TBC1D12: variants seen among roughly 807,000 people sequenced by gnomAD.
The protein encoded by TBC1D12 is TBC1 domain family, member 12.
In TBC1D12, 56 loss-of-function variants were observed where a neutral mutation model predicts 86.7. The observed-to-expected ratio is 0.65, with a 90% confidence interval of 0.52 to 0.81. The LOEUF is 0.81. Among genes scored for constraint, TBC1D12 ranks in the 30% least tolerant of loss-of-function variants. The pLI is 0.00. For missense variants in TBC1D12, 1,023 were observed against 1,038.8 expected, an observed-to-expected ratio of 0.98 and a Z score of 0.21; for synonymous variants, 421 against 411.7, an observed-to-expected ratio of 1.02 and a Z score of -0.27.
chr10:94,531,117 C>T (rs1842407953), intron 11 of TBC1D12, 85 bp from the exon 12 acceptor site: 1 of 1,455,254 alleles, frequency 6.9e-7, no homozygotes, highest in Admixed American at 2.0e-5. Flanking sequence ...TAATTAAACA[C>T]TGTTCTTTTT....
intron 2 of TBC1D12, among the ~76,000 whole-genome samples, chr10:94,442,283 A>G (rs1331696397): frequency 6.6e-6 from 1 of 152,082 alleles, no homozygotes; most frequent in Non-Finnish European, 1.5e-5. Context: ...TATTCCTTGA[A>G]TAGATTTTTT....
chr10:94,416,783 A>G (rs2055004524), intron 1 of TBC1D12, among the ~76,000 whole-genome samples: 1 of 152,200 alleles, frequency 6.6e-6, no homozygotes, highest in Non-Finnish European at 1.5e-5. Context: ...GGAACTTTAC[A>G]GTAGATGAAA....
At chr10:94,479,144 G>A (rs1306486856) in intron 3 of TBC1D12, among the ~76,000 whole-genome samples, 1 of 152,140 alleles carries the variant, frequency 6.6e-6, no homozygotes, top group Non-Finnish European at 1.5e-5. Flanking sequence ...TTCATTGCAA[G>A]GTTGTTAAAA....
intron 7 of TBC1D12, 73 bp from the exon 8 acceptor site, chr10:94,510,018 C>CA (rs1484030119): frequency 1.0e-6 from 1 of 999,936 alleles, no homozygotes; most frequent in African/African-American, 1.6e-5. Context: ...GCTGTGTGAT[C>CA]ATTCTGTATT....
intron 11 of TBC1D12, among the ~76,000 whole-genome samples, chr10:94,526,650 G>A (rs1842296951): frequency 1.3e-5 from 2 of 152,010 alleles, no homozygotes; most frequent in Admixed American, 1.3e-4. Context: ...GGATACTCAG[G>A]TTGATTCCAT....
rs182086563 is a variant in TBC1D12 at position 94,513,162 on chromosome 10, G to A, written c.1761+1508G>A. Reference sequence around the variant, plus strand: ...CTCAGGAGGCTGAGGCAGGAGAATCGCTTGAATCTGGGAGGCGGAGGTTGC... The same window carrying A: ...CTCAGGAGGCTGAGGCAGGAGAATCACTTGAATCTGGGAGGCGGAGGTTGC... On this transcript the variant is annotated intron_variant, in intron 9 of 12. Transcript: ENST00000225235. Among the ~76,000 whole-genome samples, 372 of 151,364 alleles carry A rather than the reference G, an allele frequency of 2.5e-3. 10 individuals are homozygous for A. The East Asian group carries it at 0.06, about 24-fold the overall frequency.
intron 1 of TBC1D12, among the ~76,000 whole-genome samples, chr10:94,404,014 T>C (rs2054815329): frequency 6.6e-6 from 1 of 152,118 alleles, no homozygotes; most frequent in Admixed American, 6.5e-5. Flanking sequence ...AGGCGGTATG[T>C]GTGTACGGGT....
At chr10:94,470,689 TCTTTTTTTTTTTTTTTTTTTTA>T (rs2055891708) in intron 2 of TBC1D12, among the ~76,000 whole-genome samples, 2 of 141,666 alleles carry the variant, frequency 1.4e-5, no homozygotes. Flanking sequence ...AATTTGTAAT[TCTTTTTTTTTTTTTTTTTTTTA>T]CTTTTTTTTT....
At position 94,403,241 on chromosome 10, in the gene TBC1D12, C is replaced by A; in HGVS notation, c.628C>A (p.Gln210Lys). Residue 210 changes from glutamine to lysine, a missense_variant, in exon 1 of 13, where the codon CAG becomes AAG. Gln to Lys is a moderately conservative substitution (Grantham distance 53). Around this residue, in one of 2 missense-constraint regions of TBC1D12, gnomAD observed 628 missense variants for 531.1 expected, o/e 1.18. Coordinates refer to ENST00000225235, the MANE Select transcript of TBC1D12 (RefSeq NM_015188.2). Reference sequence around the variant, plus strand: ...CTGCTGCCTGGTGGCCGCGGACGCCCAGGAGCCCGAGGGCGCGGGCAGCGA... The same window carrying A: ...CTGCTGCCTGGTGGCCGCGGACGCCAAGGAGCCCGAGGGCGCGGGCAGCGA... ...RSCCLVAADA[Q>K]EPEGAGSDSG... 1 of 1,508,130 alleles carries A rather than the reference C, an allele frequency of 6.6e-7. No individual in the cohort carries two copies. The highest frequency in any genetic ancestry group is 1.3e-5 in the South Asian group (1 of 79,770). The allele number at this position is 1,508,130 out of a possible 1,614,324, so 93.4% of individuals were successfully genotyped here.
At chr10:94,426,741 T>C (rs2055151939) in intron 1 of TBC1D12, among the ~76,000 whole-genome samples, 1 of 152,056 alleles carries the variant, frequency 6.6e-6, no homozygotes, top group African/African-American at 2.4e-5. Context: ...CACACCCGGC[T>C]AATTTTTTGT....
chr10:94,408,703 A>G (rs1280019091), intron 1 of TBC1D12, among the ~76,000 whole-genome samples: 1 of 152,100 alleles, frequency 6.6e-6, no homozygotes. Context: ...TACTTGTTCC[A>G]TAGTGCCTCC....
chr10:94,528,756 A>T (rs1479460879), intron 11 of TBC1D12, among the ~76,000 whole-genome samples: 2 of 150,826 alleles, frequency 1.3e-5, no homozygotes, highest in Admixed American at 1.3e-4. Context: ...CGGGAGGCAG[A>T]GGTTGCAGTG....
At chr10:94,474,883 G>T (rs2055965520) in intron 3 of TBC1D12, 100 bp downstream of exon 3, 1 of 1,093,672 alleles carries the variant, frequency 9.1e-7, no homozygotes, top group Non-Finnish European at 1.3e-6. Context: ...TATTGAGAAA[G>T]GATTTAATTT....
intron 2 of TBC1D12, among the ~76,000 whole-genome samples, chr10:94,465,916 ACGTATATATG>A (rs2055812937): frequency 6.6e-6 from 1 of 151,062 alleles, no homozygotes; most frequent in Non-Finnish European, 1.5e-5. Flanking sequence ...ATACATATAT[ACGTATATATG>A]CGTATATATG....
At chr10:94,502,247 G>T (rs1410710800) in intron 6 of TBC1D12, among the ~76,000 whole-genome samples, 1 of 151,904 alleles carries the variant, frequency 6.6e-6, no homozygotes, top group Non-Finnish European at 1.5e-5. Context: ...CAGGAGAATC[G>T]CTTGAACCCA....
chr10:94,478,916 A>G (rs998730173), intron 3 of TBC1D12, among the ~76,000 whole-genome samples: 1 of 152,160 alleles, frequency 6.6e-6, no homozygotes, highest in African/African-American at 2.4e-5. Flanking sequence ...GAGATTGTGC[A>G]CTGCACTCCA....
intron 4 of TBC1D12, 32 bp from the exon 5 acceptor site, chr10:94,497,023 G>T: frequency 1.5e-6 from 2 of 1,328,268 alleles, no homozygotes; most frequent in Non-Finnish European, 2.1e-6. Context: ...TAGCTTATTT[G>T]TATTGAAATA....
At chr10:94,522,271 A>G in intron 10 of TBC1D12, 73 bp from the exon 11 acceptor site, 1 of 1,066,710 alleles carries the variant, frequency 9.4e-7, no homozygotes, top group Non-Finnish European at 1.3e-6. Context: ...ATTTCCTGTT[A>G]GTGTTTAAGC....
intron 1 of TBC1D12, among the ~76,000 whole-genome samples, chr10:94,420,450 A>G (rs1289094729): frequency 6.6e-6 from 1 of 152,246 alleles, no homozygotes; most frequent in African/African-American, 2.4e-5. Flanking sequence ...ACCATGTTGT[A>G]CAGCTAGCAC....
Sources: allele counts gnomAD v4.1 joint callset (sites outside exome capture counted in the v4.1 genomes callset), GRCh38; gene constraint gnomAD v4.1.1; regional missense constraint gnomAD v4.1.1; transcripts MANE v1.5; gene names NCBI Gene and HGNC (gene_info 2026-07-23, HGNC 2026-07-21).